Variants in CSMD1 observed in about 807,000 individuals in gnomAD.
CSMD1 encodes CUB and Sushi multiple domains 1, also known as CUB and sushi domain-containing protein 1.
CSMD1 carries 213 observed loss-of-function variants against 417.5 expected under a neutral mutation model. The observed-to-expected ratio is 0.51, with a 90% CI of 0.46 to 0.57. The LOEUF is 0.57. CSMD1 is among the 20% of genes least tolerant of loss of function. The pLI, the probability that CSMD1 is intolerant of heterozygous loss-of-function variation, is 0.00. For synonymous variants in CSMD1, 2,862 were observed against 1,736.8 expected (o/e 1.65, Z -16.11); for missense variants, 6,923 against 4,529.7 (o/e 1.53, Z -15.17).
Position 3,730,122 on chromosome 8 carries a change from A to G in CSMD1, c.932-21631T>C, listed in dbSNP as rs551397430. Among the ~76,000 whole-genome samples, 7 of 152,198 alleles carry G rather than the reference A, an allele frequency of 4.6e-5. No individual in the cohort carries two copies. The East Asian group carries it at 1.2e-3, about 25-fold the overall frequency. ...TCCCGTTTGCAAAAGTAAACTACTT[A>G]CAAGGAGACAATGTGATCATCCTGA... On this transcript the variant is annotated intron_variant, in intron 6 of 69. Coordinates refer to ENST00000635120, the MANE Select transcript of CSMD1 (RefSeq NM_033225.6).
intron 5 of CSMD1, among the ~76,000 whole-genome samples, chr8:3,872,318 C>A (rs992375622): frequency 5.3e-5 from 8 of 152,150 alleles, no homozygotes; most frequent in African/African-American, 1.9e-4. Context: ...GGCTCATTCT[C>A]AGTTCTCCCA....
intron 2 of CSMD1, among the ~76,000 whole-genome samples, chr8:4,435,222 G>C (rs57861419): frequency 0.055 from 8,341 of 152,048 alleles, 593 homozygotes; most frequent in African/African-American, 0.16. Context: ...TCTGATCTTT[G>C]GAAAATTAAA....
intron 2 of CSMD1, among the ~76,000 whole-genome samples, chr8:4,550,160 T>A (rs1797807523): frequency 6.6e-6 from 1 of 151,806 alleles, no homozygotes; most frequent in Non-Finnish European, 1.5e-5. Context: ...ATGACGAAGG[T>A]CTCAGCAAAA....
intron 1 of CSMD1, among the ~76,000 whole-genome samples, chr8:4,913,088 C>T (rs1488582394): frequency 6.6e-6 from 1 of 152,132 alleles, no homozygotes; most frequent in Non-Finnish European, 1.5e-5. Context: ...CACAAGTGGC[C>T]AGCACCAGCT....
intron 7 of CSMD1, among the ~76,000 whole-genome samples, chr8:3,673,694 G>C (rs1006325487): frequency 1.3e-5 from 2 of 152,116 alleles, no homozygotes; most frequent in South Asian, 4.1e-4. Flanking sequence ...CACCCAATCA[G>C]CTGGCTTGCT....
At chr8:4,186,507 T>G (rs1022810467) in intron 3 of CSMD1, among the ~76,000 whole-genome samples, 5 of 152,168 alleles carry the variant, frequency 3.3e-5, no homozygotes, top group Non-Finnish European at 2.9e-5. Flanking sequence ...TGGAATTTAA[T>G]TACTTATTTT....
intron 1 of CSMD1, among the ~76,000 whole-genome samples, chr8:4,977,403 G>T (rs1488070370): frequency 1.3e-5 from 2 of 152,172 alleles, no homozygotes; most frequent in African/African-American, 4.8e-5. Context: ...AAGGATTTCA[G>T]GCTGGAGGAG....
chr8:3,876,532 A>G (rs1172939310), intron 5 of CSMD1, among the ~76,000 whole-genome samples: 1 of 152,214 alleles, frequency 6.6e-6, no homozygotes, highest in Non-Finnish European at 1.5e-5. Context: ...GGAGAAATTT[A>G]TTCATATTTA....
At chr8:3,943,850 G>A (rs542245012) in intron 5 of CSMD1, among the ~76,000 whole-genome samples, 75 of 152,160 alleles carry the variant, frequency 4.9e-4, no homozygotes, top group Middle Eastern at 3.4e-3. Flanking sequence ...AAAAATTGCC[G>A]TTTCCTATTT....
intron 13 of CSMD1, among the ~76,000 whole-genome samples, chr8:3,409,163 T>G (rs377666840): frequency 2.0e-5 from 3 of 152,322 alleles, no homozygotes; most frequent in African/African-American, 7.2e-5. Context: ...ACGATATATG[T>G]GATGACCCTT....
intron 5 of CSMD1, among the ~76,000 whole-genome samples, chr8:3,781,197 G>A (rs1005601470): frequency 3.3e-5 from 5 of 152,130 alleles, no homozygotes; most frequent in East Asian, 3.9e-4. Flanking sequence ...AGTACAAAGT[G>A]ATAATTGGAG....
intron 4 of CSMD1, among the ~76,000 whole-genome samples, chr8:4,011,250 T>C (rs937870694): frequency 1.3e-5 from 2 of 152,210 alleles, no homozygotes; most frequent in Non-Finnish European, 2.9e-5. Flanking sequence ...GCCACGACTT[T>C]ACCAGTTTTC....
At chr8:4,528,407 G>A (rs552774696) in intron 2 of CSMD1, among the ~76,000 whole-genome samples, 1 of 152,280 alleles carries the variant, frequency 6.6e-6, no homozygotes, top group Non-Finnish European at 1.5e-5. Flanking sequence ...AGTGGAATAT[G>A]CAAAACACAT....
At chr8:3,149,482 A>C (rs909189151) in intron 40 of CSMD1, among the ~76,000 whole-genome samples, 3 of 151,960 alleles carry the variant, frequency 2.0e-5, no homozygotes, top group Non-Finnish European at 4.4e-5. Flanking sequence ...TTGTTTATTT[A>C]TTCATTTACT....
At chr8:4,183,202 G>A (rs541216136) in intron 3 of CSMD1, among the ~76,000 whole-genome samples, 1 of 151,948 alleles carries the variant, frequency 6.6e-6, no homozygotes, top group Non-Finnish European at 1.5e-5. Flanking sequence ...GGAAAAAATG[G>A]GTATACAGAG....
At chr8:4,317,726 C>T (rs1344209565) in intron 3 of CSMD1, among the ~76,000 whole-genome samples, 1 of 152,152 alleles carries the variant, frequency 6.6e-6, no homozygotes, top group African/African-American at 2.4e-5. Flanking sequence ...GATAGCTCAG[C>T]TGAGTACATG....
chr8:4,647,472 G>T (rs1803606313), intron 1 of CSMD1, among the ~76,000 whole-genome samples: 1 of 148,244 alleles, frequency 6.7e-6, no homozygotes, highest in Non-Finnish European at 1.5e-5. Flanking sequence ...TGCTACGTAG[G>T]TACGCGTGTG....
chr8:3,620,181 A>G (rs1279692466), intron 7 of CSMD1, among the ~76,000 whole-genome samples: 1 of 152,156 alleles, frequency 6.6e-6, no homozygotes, highest in Non-Finnish European at 1.5e-5. Context: ...TGAAAATTCT[A>G]CATCTAGGAA....
At chr8:3,915,405 CAAAAAAAAAAAAA>C (rs778981187) in intron 5 of CSMD1, among the ~76,000 whole-genome samples, 3 of 76,294 alleles carry the variant, frequency 3.9e-5, no homozygotes, top group South Asian at 4.9e-4. Flanking sequence ...GACTCTGTCT[CAAAAAAAAAAAAA>C]AAAAAAAAAA....
Sources: allele counts gnomAD v4.1 joint callset (sites outside exome capture counted in the v4.1 genomes callset), GRCh38; gene constraint gnomAD v4.1.1; transcripts MANE v1.5; gene names NCBI Gene and HGNC (gene_info 2026-07-23, HGNC 2026-07-21).